Variants in STK32C observed in about 807,000 individuals in gnomAD.
STK32C encodes serine/threonine-protein kinase 32C.
A neutral mutation model predicts 56.5 loss-of-function variants in STK32C; 31 were observed. The observed-to-expected ratio is 0.55, with a 90% confidence interval of 0.41 to 0.74. STK32C has a LOEUF of 0.74. Ranked by LOEUF, STK32C falls within the 30% of genes least tolerant of loss-of-function variation. The pLI, the probability that STK32C is intolerant of heterozygous loss-of-function variation, is 0.00. For synonymous variants in STK32C, 309 were observed against 289.4 expected, an observed-to-expected ratio of 1.07 and a Z score of -0.69; for missense variants, 544 against 676.9, an observed-to-expected ratio of 0.80 and a Z score of 2.18.
At chr10:132,239,247 C>T (rs898721155) in intron 2 of STK32C, among the ~76,000 whole-genome samples, 3 of 152,158 alleles carry the variant, frequency 2.0e-5, no homozygotes, top group Admixed American at 6.5e-5. Context: ...CTGGGGCCCT[C>T]GGTCCAGCCG....
intron 10 of STK32C, among the ~76,000 whole-genome samples, chr10:132,211,363 G>A (rs1044130195): frequency 6.6e-6 from 1 of 152,186 alleles, no homozygotes. Flanking sequence ...GAACATGAGC[G>A]CCCGTCGTGG....
intron 1 of STK32C, among the ~76,000 whole-genome samples, chr10:132,284,344 T>TG (rs1230589316): frequency 5.4e-5 from 1 of 18,424 alleles, no homozygotes; most frequent in African/African-American, 2.3e-4. Flanking sequence ...CAGGTGAGGT[T>TG]GGGGGGAACA....
intron 7 of STK32C, among the ~76,000 whole-genome samples, 175 bp downstream of exon 7, chr10:132,225,058 C>T (rs1163044897): frequency 1.3e-5 from 2 of 152,222 alleles, no homozygotes; most frequent in African/African-American, 2.4e-5. Flanking sequence ...CCTTCCTCCT[C>T]CTGCTCAGGC....
intron 1 of STK32C, among the ~76,000 whole-genome samples, chr10:132,279,945 C>T (rs1480855998): frequency 1.2e-4 from 16 of 138,392 alleles, no homozygotes; most frequent in African/African-American, 3.9e-4. Context: ...ACACCGTGAC[C>T]ACGCCCCTGC....
chr10:132,300,067 T>C (rs2065868319), intron 1 of STK32C, among the ~76,000 whole-genome samples: 1 of 152,256 alleles, frequency 6.6e-6, no homozygotes, highest in African/African-American at 2.4e-5. Flanking sequence ...GCAACGCCCG[T>C]GCTAGACTCC....
At chr10:132,235,078 C>G (rs1368987361) in intron 2 of STK32C, among the ~76,000 whole-genome samples, 1 of 151,494 alleles carries the variant, frequency 6.6e-6, no homozygotes, top group South Asian at 2.1e-4. Context: ...AGCTGTGTGA[C>G]TGGTATGAAC....
chr10:132,274,732 G>A (rs1295411546), intron 1 of STK32C, among the ~76,000 whole-genome samples: 4 of 152,172 alleles, frequency 2.6e-5, no homozygotes, highest in South Asian at 2.1e-4. Flanking sequence ...ACCAGGCCTC[G>A]GAGGGCCCCG....
rs565936832 is a variant in STK32C at position 132,313,501 on chromosome 10, G to A, written c.301+17935C>T. 1.1e-4 allele frequency among the ~76,000 whole-genome samples: 16 copies of A among 152,356 alleles called. No individual in the cohort carries two copies. In the South Asian group the frequency reaches 1.9e-3, roughly 18 times the overall value. ...GTGCACCCCTCTCAGCGAGGGAGAC[G>A]GGAACCCAGTGGATAGCAGGCAAAG... On this transcript the variant is annotated intron_variant, in intron 1 of 3. Coordinates refer to the STK32C transcript ENST00000368620.
intron 1 of STK32C, among the ~76,000 whole-genome samples, chr10:132,264,017 G>A (rs1051117091): frequency 6.6e-6 from 1 of 152,192 alleles, no homozygotes; most frequent in Non-Finnish European, 1.5e-5. Context: ...CTCCGTCCCT[G>A]TGAAATACCC....
At chr10:132,275,765 C>T (rs1477807463) in intron 1 of STK32C, among the ~76,000 whole-genome samples, 1 of 152,206 alleles carries the variant, frequency 6.6e-6, no homozygotes, top group Admixed American at 6.5e-5. Flanking sequence ...TCCCTTCAAA[C>T]GTCCCCTTCC....
Position 132,284,062 on chromosome 10 carries a change from C to T in STK32C, c.262+23510G>A, listed in dbSNP as rs979425087. Among the ~76,000 whole-genome samples, 6 of 151,970 alleles carry T rather than the reference C, an allele frequency of 3.9e-5. No homozygotes were observed. The South Asian group carries it at 8.3e-4, about 21-fold the overall frequency. On this transcript the variant is annotated intron_variant, in intron 1 of 11. Coordinates refer to ENST00000298630, the MANE Select transcript of STK32C (RefSeq NM_173575.4). ...AGGACTTGCTGCTGAGGCTTTTAAG[C>T]GCATCCCACAGCCTCTGACCAACCA...
chr10:132,229,712 C>G (rs997591838), intron 2 of STK32C, among the ~76,000 whole-genome samples: 1 of 152,194 alleles, frequency 6.6e-6, no homozygotes, highest in African/African-American at 2.4e-5. Context: ...GGAGACCCCT[C>G]CCTGAGACTC....
intron 1 of STK32C, among the ~76,000 whole-genome samples, chr10:132,278,232 T>C (rs772776806): frequency 6.6e-6 from 1 of 151,898 alleles, no homozygotes; most frequent in Admixed American, 6.6e-5. Context: ...CAGAAGAAAC[T>C]ACAAACCCAG....
intron 10 of STK32C, among the ~76,000 whole-genome samples, chr10:132,217,397 G>T (rs1267620941): frequency 6.6e-6 from 1 of 152,178 alleles, no homozygotes; most frequent in African/African-American, 2.4e-5. Context: ...ACTTGCTTTT[G>T]ATTTTACAGA....
At chr10:132,296,880 G>A (rs531785689) in intron 1 of STK32C, among the ~76,000 whole-genome samples, 9 of 152,324 alleles carry the variant, frequency 5.9e-5, no homozygotes, top group Admixed American at 1.3e-4. Flanking sequence ...CCTCTGGGAC[G>A]CCGAAAGCCT....
chr10:132,213,421 G>C (rs1260327749), intron 10 of STK32C, among the ~76,000 whole-genome samples: 6 of 152,222 alleles, frequency 3.9e-5, no homozygotes, highest in Admixed American at 2.0e-4. Flanking sequence ...TCTCTCTGAG[G>C]AGGAGGATTT....
At position 132,307,514 on chromosome 10, in the gene STK32C, C is replaced by A; in HGVS notation, c.262+58G>T. On this transcript the variant is annotated intron_variant, in intron 1 of 11. Coordinates refer to ENST00000298630, the MANE Select transcript of STK32C (RefSeq NM_173575.4). The surrounding 1 kb of genome is among the most constrained non-coding windows in gnomAD (Gnocchi z 4.4). ...ACCCCTGCGGGAAAAAGCCGCCCAG[C>A]CGCGCCCGCCCCTGCAATAGCGCGC... 6.7e-7 allele frequency: 1 copy of A among 1,492,520 alleles called. No homozygotes were observed. 92.5% of individuals were successfully genotyped at this position (1,492,520 alleles called of 1,614,324 possible). A position where few individuals can be genotyped will look rare whatever the true frequency, so the allele number is the denominator to read the frequency against.
At chr10:132,267,645 G>A (rs569322356) in intron 1 of STK32C, among the ~76,000 whole-genome samples, 2 of 142,946 alleles carry the variant, frequency 1.4e-5, no homozygotes, top group African/African-American at 5.4e-5. Flanking sequence ...GTGCATGCAT[G>A]TCCCACATCA....
At position 132,307,434 on chromosome 10, in the gene STK32C, G is replaced by T; in HGVS notation, c.262+138C>A. On this transcript the variant is annotated intron_variant, in intron 1 of 11. Transcript: ENST00000298630. This position sits in a 1 kb window ranked among gnomAD's most constrained non-coding sequence, Gnocchi z 4.4. ...TCGCGTGGGGCCGCAGCCACCCGGC[G>T]CGAGCTTCTCCGGAAGCCGGGGCGC... 9.9e-7 allele frequency: 1 copy of T among 1,013,126 alleles called. No homozygotes were observed. Among genetic ancestry groups the T allele is most frequent in the Non-Finnish European group, 1.3e-6 (1 of 761,612 alleles). 62.8% of individuals were successfully genotyped at this position (1,013,126 alleles called of 1,614,324 possible).
Sources: allele counts gnomAD v4.1 joint callset (sites outside exome capture counted in the v4.1 genomes callset), GRCh38; gene constraint gnomAD v4.1.1; non-coding constraint Gnocchi (gnomAD v3.1); transcripts MANE v1.5; gene names NCBI Gene and HGNC (gene_info 2026-07-23, HGNC 2026-07-21).